Variants in PLCXD3 observed in about 807,000 individuals in gnomAD.
PLCXD3 encodes phosphatidylinositol specific phospholipase C X domain containing 3.
In PLCXD3, 19 loss-of-function variants were observed where a neutral mutation model predicts 25.5. That is an observed-to-expected ratio of 0.75 (90% CI 0.52 to 1.09). The LOEUF is 1.09. PLCXD3 is among the 50% of genes least tolerant of loss of function. PLCXD3 has a pLI of 0.00. For synonymous variants in PLCXD3, 174 were observed against 137.6 expected, an observed-to-expected ratio of 1.26 and a Z score of -1.85; for missense variants, 411 against 388.1, an observed-to-expected ratio of 1.06 and a Z score of -0.50.
At chr5:41,316,803 T>G (rs1004736146) in intron 2 of PLCXD3, among the ~76,000 whole-genome samples, 1 of 152,196 alleles carries the variant, frequency 6.6e-6, no homozygotes, top group African/African-American at 2.4e-5. Flanking sequence ...TGGTAAGGAC[T>G]GTGTCTTGTG....
At chr5:41,364,527 T>C (rs1472685292) in intron 2 of PLCXD3, among the ~76,000 whole-genome samples, 2 of 152,192 alleles carry the variant, frequency 1.3e-5, no homozygotes, top group African/African-American at 2.4e-5. Flanking sequence ...AAAAGCCTAA[T>C]TGGCAAGAAA....
intron 1 of PLCXD3, among the ~76,000 whole-genome samples, chr5:41,433,207 T>C (rs1747159414): frequency 6.6e-6 from 1 of 152,162 alleles, no homozygotes; most frequent in African/African-American, 2.4e-5. Flanking sequence ...ACTTACCAAC[T>C]GGGTAGCCTT....
At chr5:41,315,636 C>T (rs140128477) in intron 2 of PLCXD3, among the ~76,000 whole-genome samples, 27 of 152,180 alleles carry the variant, frequency 1.8e-4, no homozygotes, top group South Asian at 1.0e-3. Flanking sequence ...CTTTATATCG[C>T]GGAAAATGCC....
chr5:41,430,395 C>A (rs1006570994), intron 1 of PLCXD3, among the ~76,000 whole-genome samples: 1 of 152,096 alleles, frequency 6.6e-6, no homozygotes, highest in Non-Finnish European at 1.5e-5. Flanking sequence ...AAAGAATTGA[C>A]CTGTCTGTAG....
intron 1 of PLCXD3, among the ~76,000 whole-genome samples, chr5:41,424,022 C>T (rs1746891280): frequency 6.6e-6 from 1 of 152,130 alleles, no homozygotes; most frequent in Non-Finnish European, 1.5e-5. Flanking sequence ...AGTATGTTAA[C>T]TATAGTCACA....
At chr5:41,384,898 G>T (rs1745588078) in intron 1 of PLCXD3, among the ~76,000 whole-genome samples, 1 of 152,004 alleles carries the variant, frequency 6.6e-6, no homozygotes, top group Non-Finnish European at 1.5e-5. Context: ...TGACTCTGAG[G>T]TGTAGCCACA....
chr5:41,442,660 T>C (rs1185300896), intron 1 of PLCXD3, among the ~76,000 whole-genome samples: 1 of 152,140 alleles, frequency 6.6e-6, no homozygotes, highest in African/African-American at 2.4e-5. Flanking sequence ...CTAAGCAAGG[T>C]TAAAAATTGT....
At chr5:41,482,296 C>T (rs561774992) in intron 1 of PLCXD3, among the ~76,000 whole-genome samples, 5 of 152,104 alleles carry the variant, frequency 3.3e-5, no homozygotes, top group African/African-American at 1.2e-4. Flanking sequence ...TGAATGAGTC[C>T]CAAATCCAAG....
rs531659013 is a variant in PLCXD3, at chr5:41,475,422, T to G, written c.103+35002A>C. The stretch of plus-strand genomic sequence containing the variant: ...GCTAGTCTCTACTAGTCTTTGCTAG[T>G]CTCTGCTAGTCTTTATCTATCCCTA... On this transcript the variant is annotated intron_variant, in intron 1 of 2. Coordinates refer to ENST00000377801, the MANE Select transcript of PLCXD3 (RefSeq NM_001005473.3). Among the ~76,000 whole-genome samples the G allele has an allele frequency of 4.6e-5, 7 of 152,326 alleles. No individual in the cohort carries two copies. The South Asian group carries it at 1.4e-3, about 32-fold the overall frequency.
chr5:41,489,497 T>A (rs538445629), intron 1 of PLCXD3, among the ~76,000 whole-genome samples: 1 of 152,328 alleles, frequency 6.6e-6, no homozygotes, highest in South Asian at 2.1e-4. Context: ...GGGGATGGCC[T>A]TGAATCTGTA....
chr5:41,435,647 A>C (rs535311594), intron 1 of PLCXD3, among the ~76,000 whole-genome samples: 59 of 152,332 alleles, frequency 3.9e-4, no homozygotes, highest in African/African-American at 1.4e-3. Context: ...CAGGTGGAGA[A>C]GCCATGGTGG....
intron 1 of PLCXD3, among the ~76,000 whole-genome samples, chr5:41,422,965 G>GTATTA (rs1746863985): frequency 6.6e-6 from 1 of 151,830 alleles, no homozygotes; most frequent in Admixed American, 6.6e-5. Context: ...TCAGCTTAAG[G>GTATTA]AATCTCTCTT....
intron 1 of PLCXD3, among the ~76,000 whole-genome samples, chr5:41,414,643 C>A (rs999167358): frequency 1.3e-5 from 2 of 152,118 alleles, no homozygotes; most frequent in Non-Finnish European, 2.9e-5. Flanking sequence ...TTTTGCCTTC[C>A]GCAATTTCAG....
rs377125152 is a variant in PLCXD3 at position 41,476,927 on chromosome 5, T to A, written c.103+33497A>T. Among the ~76,000 whole-genome samples the A allele has an allele frequency of 4.7e-4, 71 of 152,380 alleles. No homozygotes were observed. The South Asian group carries it at 8.3e-3, about 18-fold the overall frequency. On this transcript the variant is annotated intron_variant, in intron 1 of 2. Coordinates refer to ENST00000377801, the MANE Select transcript of PLCXD3 (RefSeq NM_001005473.3). Reference sequence around the variant, plus strand: ...AGAGACATGGTGCTTAACACCTTAATCTTCCACTGCCTTTGAGATGTTTAC... The same window carrying A: ...AGAGACATGGTGCTTAACACCTTAAACTTCCACTGCCTTTGAGATGTTTAC...
chr5:41,309,119 C>A lies in PLCXD3; in HGVS notation c.*4498G>T, dbSNP rs533705497. 23 of 152,636 alleles carry A rather than the reference C, an allele frequency of 1.5e-4. No homozygotes were observed. The highest frequency in any genetic ancestry group is 5.3e-4 in the African/African-American group (22 of 41,560). 9.5% of individuals were successfully genotyped at this position (152,636 alleles called of 1,614,324 possible). A position where few individuals can be genotyped will look rare whatever the true frequency, so the allele number is the denominator to read the frequency against. The stretch of plus-strand genomic sequence containing the variant: ...TTTTTGATAAGATATTATATACTTA[C>A]ACACACATACCACATACAAGCACAT... On this transcript the variant is annotated 3_prime_UTR_variant, in exon 3 of 3. Transcript: ENST00000377801.
Position 41,385,835 on chromosome 5 carries a change from C to T in PLCXD3, c.104-3301G>A, listed in dbSNP as rs561344106. ...TGTAGTGGCCCTTGACCAAAACCAGCTGGGAGCAGAGGTCTTTAGACTAAC... is the reference window on the plus strand; with the variant it reads ...TGTAGTGGCCCTTGACCAAAACCAGTTGGGAGCAGAGGTCTTTAGACTAAC... On this transcript the variant is annotated intron_variant, in intron 1 of 2. Coordinates refer to ENST00000377801, the MANE Select transcript of PLCXD3 (RefSeq NM_001005473.3). Among the ~76,000 whole-genome samples the T allele has an allele frequency of 7.9e-5, 12 of 152,208 alleles. No homozygotes were observed. In the South Asian group the frequency reaches 2.5e-3, roughly 32 times the overall value.
At chr5:41,510,396 G>C in intron 1 of PLCXD3, 28 bp downstream of exon 1, 1 of 1,571,730 alleles carries the variant, frequency 6.4e-7, no homozygotes, top group East Asian at 2.4e-5. Context: ...GGCGCCGAGC[G>C]CCTAGCCCGC....
At chr5:41,442,163 T>C (rs1447446440) in intron 1 of PLCXD3, among the ~76,000 whole-genome samples, 3 of 152,170 alleles carry the variant, frequency 2.0e-5, no homozygotes, top group Admixed American at 6.5e-5. Flanking sequence ...TTAAAAAGAG[T>C]AAGCCCTCTC....
rs116501661 is a variant in PLCXD3 at position 41,341,693 on chromosome 5, G to T, written c.813-27923C>A. Among the ~76,000 whole-genome samples, 190 of 152,084 alleles carry T rather than the reference G, an allele frequency of 1.2e-3. 1 individual carries two copies. Among genetic ancestry groups the T allele is most frequent in the African/African-American group, 4.5e-3 (187 of 41,492 alleles). On this transcript the variant is annotated intron_variant, in intron 2 of 2. Transcript: ENST00000377801. The stretch of plus-strand genomic sequence containing the variant: ...AAAAGGCCATAAAGGGTGGGTGGTG[G>T]ATAAATAGGCAAGGCCATGGTAGAA...
Sources: allele counts gnomAD v4.1 joint callset (sites outside exome capture counted in the v4.1 genomes callset), GRCh38; gene constraint gnomAD v4.1.1; transcripts MANE v1.5; gene names NCBI Gene and HGNC (gene_info 2026-07-23, HGNC 2026-07-21).